MCPH1: variants seen among roughly 807,000 people sequenced by gnomAD.
The protein encoded by MCPH1 is microcephalin 1, also known as microcephalin.
Under a neutral mutation model 84.5 loss-of-function variants are expected in MCPH1, and 104 were observed. The ratio of observed to expected loss-of-function variants is 1.23; its 90% CI spans 1.05 to 1.45. MCPH1 has a LOEUF of 1.45. MCPH1 is among the 40% of genes most tolerant of loss of function. The pLI, the probability that MCPH1 is intolerant of heterozygous loss-of-function variation, is 0.00. For synonymous variants in MCPH1, 514 were observed against 366.8 expected, an observed-to-expected ratio of 1.40 and a Z score of -4.58; for missense variants, 1,498 against 1,005.7, an observed-to-expected ratio of 1.49 and a Z score of -6.62.
intron 5 of MCPH1, 61 bp downstream of exon 5, chr8:6,436,223 C>T (rs1309136408): frequency 1.7e-5 from 26 of 1,541,500 alleles, no homozygotes; most frequent in Non-Finnish European, 2.3e-5. Context: ...GTTTAATTTG[C>T]ATGATGACTA....
At chr8:6,429,058 C>T (rs1262317588) in intron 3 of MCPH1, among the ~76,000 whole-genome samples, 2 of 152,224 alleles carry the variant, frequency 1.3e-5, no homozygotes, top group African/African-American at 4.8e-5. Context: ...CTGCTGTTTG[C>T]ATGGACACAT....
At chr8:6,613,146 C>T (rs1046637457) in intron 12 of MCPH1, among the ~76,000 whole-genome samples, 10 of 152,122 alleles carry the variant, frequency 6.6e-5, no homozygotes, top group African/African-American at 2.4e-4. Context: ...TGCCGGGTGC[C>T]GGGAAGCAGG....
At chr8:6,490,945 A>T (rs1810493057) in intron 11 of MCPH1, among the ~76,000 whole-genome samples, 1 of 10,988 alleles carries the variant, frequency 9.1e-5, no homozygotes, top group African/African-American at 9.6e-5. Context: ...TATTAATAAT[A>T]TAATATCAAT....
chr8:6,427,945 A>G (rs976982257), intron 3 of MCPH1, among the ~76,000 whole-genome samples: 1 of 151,864 alleles, frequency 6.6e-6, no homozygotes, highest in Non-Finnish European at 1.5e-5. Context: ...GGCACGCACC[A>G]CCACGCCCGG....
At chr8:6,570,810 T>C (rs971584163) in intron 12 of MCPH1, among the ~76,000 whole-genome samples, 1 of 147,042 alleles carries the variant, frequency 6.8e-6, no homozygotes, top group Non-Finnish European at 1.5e-5. Context: ...GTTGTTTTTT[T>C]TTTTTTTTTT....
chr8:6,507,517 TC>T (rs1050021621), intron 12 of MCPH1: 1 of 152,090 alleles, frequency 6.6e-6, no homozygotes, highest in Admixed American at 6.6e-5. Flanking sequence ...TAGCGTTTGT[TC>T]CTGTCAGTGA....
rs2454520 is a variant in MCPH1, at chr8:6,609,087, T to C, written c.2215-12367T>C. ...CATTGTGGACCTGCTTTCGTGTTAT[T>C]ATAAGGTTTACAAATTTCTATGCCA... On this transcript the variant is annotated intron_variant, in intron 12 of 13. Transcript: ENST00000344683. Among the ~76,000 whole-genome samples, 880 of 152,320 alleles carry C rather than the reference T, an allele frequency of 5.8e-3. 5 individuals are homozygous for C. The highest frequency in any genetic ancestry group is 0.02 in the African/African-American group (816 of 41,540).
chr8:6,612,682 T>G (rs2129579495), intron 12 of MCPH1, among the ~76,000 whole-genome samples: 1 of 152,330 alleles, frequency 6.6e-6, no homozygotes, highest in South Asian at 2.1e-4. Context: ...GGCCTGGTGT[T>G]CTGGGCGCCT....
chr8:6,588,473 TTC>T (rs1287402604), intron 12 of MCPH1, among the ~76,000 whole-genome samples: 1 of 152,182 alleles, frequency 6.6e-6, no homozygotes, highest in Non-Finnish European at 1.5e-5. Context: ...GCTGAGCCCC[TTC>T]ACCTCCCTGG....
chr8:6,413,392 C>A (rs1236667648), intron 2 of MCPH1, among the ~76,000 whole-genome samples: 1 of 151,004 alleles, frequency 6.6e-6, no homozygotes, highest in Non-Finnish European at 1.5e-5. Context: ...TGTTTTCGTT[C>A]TTGTGCTGGG....
At chr8:6,563,001 C>G in intron 12 of MCPH1, 1 of 1,502,326 alleles carries the variant, frequency 6.7e-7, no homozygotes. Flanking sequence ...GAGTCCCGAG[C>G]TGCTGCCGTC....
rs149241752 is a variant in MCPH1 at position 6,408,707 on chromosome 8, C to T, written c.23-572C>T. 4.6e-4 allele frequency among the ~76,000 whole-genome samples: 70 copies of T among 151,422 alleles called. 1 individual carries two copies. In the East Asian group the frequency reaches 0.013, roughly 27 times the overall value. On this transcript the variant is annotated intron_variant, in intron 1 of 13. Transcript: ENST00000344683. ...CCCAGTAGCTGGGACTACAGCCACTCGCCACCATTCCTGGCTAATTAAAAA... is the reference window on the plus strand; with the variant it reads ...CCCAGTAGCTGGGACTACAGCCACTTGCCACCATTCCTGGCTAATTAAAAA...
At chr8:6,541,673 T>C (rs375137518) in intron 12 of MCPH1, among the ~76,000 whole-genome samples, 20 of 152,258 alleles carry the variant, frequency 1.3e-4, no homozygotes, top group African/African-American at 4.3e-4. Context: ...CCTACAGAGA[T>C]AGAAGAAAAT....
In MCPH1 at chr8:6,444,036, A is replaced by T. The variant is rs564614332; in HGVS notation, c.671-357A>T. 2.1e-3 allele frequency among the ~76,000 whole-genome samples: 323 copies of T among 152,332 alleles called. 2 individuals carry two copies. Among genetic ancestry groups the T allele is most frequent in the African/African-American group, 7.6e-3 (315 of 41,580 alleles). ...TAGAACTTTCCCTAGATCTTACAACAGTAGTTCTTAGGTTTTAGAATTATT... is the reference window on the plus strand; with the variant it reads ...TAGAACTTTCCCTAGATCTTACAACTGTAGTTCTTAGGTTTTAGAATTATT... On this transcript the variant is annotated intron_variant, in intron 7 of 13. Transcript: ENST00000344683.
At chr8:6,478,977 TAAG>T (rs1330598043) in intron 10 of MCPH1, among the ~76,000 whole-genome samples, 2 of 152,154 alleles carry the variant, frequency 1.3e-5, no homozygotes, top group East Asian at 3.8e-4. Context: ...GAGATAAAAC[TAAG>T]AAGGCTGGGT....
intron 1 of MCPH1, 31 bp from the exon 2 acceptor site, chr8:6,409,248 T>C (rs371422972): frequency 5.2e-6 from 8 of 1,551,444 alleles, no homozygotes; most frequent in Non-Finnish European, 7.1e-6. Flanking sequence ...GAATTTCAAA[T>C]GTATGTTTCA....
intron 8 of MCPH1, among the ~76,000 whole-genome samples, chr8:6,449,580 C>T (rs1475410941): frequency 6.6e-6 from 1 of 151,890 alleles, no homozygotes; most frequent in African/African-American, 2.4e-5. Flanking sequence ...TTGCGGTGAG[C>T]CGAGATCATG....
At chr8:6,617,925 A>ATCTG (rs1831008270) in intron 12 of MCPH1, among the ~76,000 whole-genome samples, 1 of 151,260 alleles carries the variant, frequency 6.6e-6, no homozygotes, top group Non-Finnish European at 1.5e-5. Flanking sequence ...CTATCTATCT[A>ATCTG]TCTATCTATC....
At chr8:6,567,711 A>G (rs1826315343) in intron 12 of MCPH1, among the ~76,000 whole-genome samples, 1 of 152,096 alleles carries the variant, frequency 6.6e-6, no homozygotes, top group South Asian at 2.1e-4. Flanking sequence ...GTCCAGTAAC[A>G]CCACCATGCA....
Sources: gnomAD v4.1 joint callset for allele counts (sites outside exome capture counted in the v4.1 genomes callset) on GRCh38, gnomAD v4.1.1 for gene constraint, MANE v1.5 for transcripts, NCBI Gene and HGNC (gene_info 2026-07-23, HGNC 2026-07-21) for gene names.